Variants in IMMP2L observed in about 807,000 individuals in gnomAD.
IMMP2L encodes the protein mitochondrial inner membrane protease subunit 2.
IMMP2L carries 18 observed loss-of-function variants against 19.3 expected under a neutral mutation model. The observed-to-expected ratio is 0.93, with a 90% confidence interval of 0.64 to 1.38. The LOEUF (loss-of-function observed/expected upper bound fraction) is 1.38. Among genes scored for constraint, IMMP2L ranks in the 40% most tolerant of loss-of-function variants. The pLI is 0.00. For synonymous variants in IMMP2L, 76 were observed against 73.0 expected, an observed-to-expected ratio of 1.04 and a Z score of -0.21; for missense variants, 233 against 218.2, an observed-to-expected ratio of 1.07 and a Z score of -0.43.
rs75979006 is a variant in IMMP2L, at chr7:110,787,387, A to G, written c.408+99206T>C. On this transcript the variant is annotated intron_variant, in intron 5 of 5. Transcript: ENST00000405709. ...TCCTGAGCAACTGAACTGCTACTCA[A>G]TGTGATCAGTTGAGGGTAGAGGAGG... Among the ~76,000 whole-genome samples, 1,410 of 152,044 alleles carry G rather than the reference A, an allele frequency of 9.3e-3. 31 individuals carry two copies. The highest frequency in any genetic ancestry group is 0.032 in the African/African-American group (1,314 of 41,522).
chr7:111,312,619 A>G (rs990243502), intron 3 of IMMP2L, among the ~76,000 whole-genome samples: 5 of 152,172 alleles, frequency 3.3e-5, no homozygotes, highest in Non-Finnish European at 2.9e-5. Context: ...TATTCAATCC[A>G]TAACAGTCAA....
At chr7:110,918,460 T>TC (rs1813875796) in intron 4 of IMMP2L, among the ~76,000 whole-genome samples, 1 of 150,540 alleles carries the variant, frequency 6.6e-6, no homozygotes, top group Non-Finnish European at 1.5e-5. Flanking sequence ...TTCTTTTTTT[T>TC]TTTTTTTTTG....
rs1410685925 is a variant in IMMP2L at position 111,034,097 on chromosome 7, T to C, written c.240-70532A>G. Among the ~76,000 whole-genome samples the C allele has an allele frequency of 2.6e-5, 4 of 152,146 alleles. No homozygotes were observed. The East Asian group carries it at 5.8e-4, about 22-fold the overall frequency. On this transcript the variant is annotated intron_variant, in intron 3 of 5. Transcript: ENST00000405709. ...TTTATAATATATTGAAATGTACACA[T>C]AAAATTAATGAATTTCACTGTAGGT...
intron 3 of IMMP2L, among the ~76,000 whole-genome samples, chr7:111,236,200 T>C (rs1562955936): frequency 6.6e-6 from 1 of 152,134 alleles, no homozygotes; most frequent in Non-Finnish European, 1.5e-5. Context: ...GTTTCCTGTG[T>C]CTTTGCATTA....
intron 3 of IMMP2L, among the ~76,000 whole-genome samples, chr7:111,278,939 A>G (rs1438094368): frequency 3.3e-5 from 5 of 152,258 alleles, no homozygotes; most frequent in Non-Finnish European, 7.4e-5. Flanking sequence ...CATCAGTTCT[A>G]TGAGAATGAA....
At chr7:110,947,156 C>T (rs770202781) in intron 4 of IMMP2L, among the ~76,000 whole-genome samples, 6 of 152,028 alleles carry the variant, frequency 3.9e-5, no homozygotes, top group Non-Finnish European at 7.4e-5. Context: ...ATTTTTTTCA[C>T]CTTTCATATT....
chr7:111,560,764 G>A (rs1005061803), intron 1 of IMMP2L, among the ~76,000 whole-genome samples: 2 of 152,202 alleles, frequency 1.3e-5, no homozygotes, highest in Admixed American at 6.5e-5. Flanking sequence ...ATAAAAGTGC[G>A]TAGCACATGG....
chr7:111,343,621 A>G (rs1827246402), intron 3 of IMMP2L, among the ~76,000 whole-genome samples: 1 of 152,116 alleles, frequency 6.6e-6, no homozygotes, highest in East Asian at 1.9e-4. Context: ...TCCCTGCTCT[A>G]TATACAATGG....
chr7:111,220,146 C>CA (rs2129620370), intron 3 of IMMP2L, among the ~76,000 whole-genome samples: 1 of 152,004 alleles, frequency 6.6e-6, no homozygotes, highest in African/African-American at 2.4e-5. Context: ...AAGAACAAAC[C>CA]ACTTACCACA....
intron 3 of IMMP2L, among the ~76,000 whole-genome samples, chr7:111,258,229 T>C (rs1816938803): frequency 6.6e-6 from 1 of 152,112 alleles, no homozygotes; most frequent in Admixed American, 6.6e-5. Context: ...GATGAAGATA[T>C]TTGGAGCAAT....
Position 110,934,333 on chromosome 7 carries a change from G to A in IMMP2L, c.305+29167C>T, listed in dbSNP as rs149674799. 1.7e-3 allele frequency among the ~76,000 whole-genome samples: 263 copies of A among 152,178 alleles called. 1 individual carries two copies. The highest frequency in any genetic ancestry group is 6.1e-3 in the African/African-American group (252 of 41,504). On this transcript the variant is annotated intron_variant, in intron 4 of 5. Coordinates refer to ENST00000405709, the MANE Select transcript of IMMP2L (RefSeq NM_032549.4). ...ACATTTTGTTGATTTGGGGTGGAGAGTTCTGTAGATGTCTATAAGGTCCAC... is the reference window on the plus strand; with the variant it reads ...ACATTTTGTTGATTTGGGGTGGAGAATTCTGTAGATGTCTATAAGGTCCAC...
At chr7:111,239,015 A>T (rs1016009620) in intron 3 of IMMP2L, among the ~76,000 whole-genome samples, 3 of 151,990 alleles carry the variant, frequency 2.0e-5, no homozygotes, top group Non-Finnish European at 4.4e-5. Context: ...TTTCACCAAT[A>T]GTGAAAACCA....
chr7:111,118,223 G>T (rs1027808597), intron 3 of IMMP2L, among the ~76,000 whole-genome samples: 15 of 152,008 alleles, frequency 9.9e-5, no homozygotes, highest in Admixed American at 7.2e-4. Context: ...ATTTATTGCT[G>T]ACTTTCCAGT....
intron 2 of IMMP2L, among the ~76,000 whole-genome samples, chr7:111,500,762 C>G (rs983334926): frequency 3.9e-5 from 6 of 152,102 alleles, no homozygotes; most frequent in Admixed American, 6.6e-5. Context: ...AGCTGAGGGT[C>G]CTGTCTGTTA....
At chr7:111,178,578 C>T (rs1482639100) in intron 3 of IMMP2L, among the ~76,000 whole-genome samples, 1 of 152,104 alleles carries the variant, frequency 6.6e-6, no homozygotes, top group Non-Finnish European at 1.5e-5. Context: ...CTCTCAAACC[C>T]TGTCACTGCT....
At chr7:111,374,658 G>T (rs1830527027) in intron 3 of IMMP2L, among the ~76,000 whole-genome samples, 1 of 152,102 alleles carries the variant, frequency 6.6e-6, no homozygotes, top group Non-Finnish European at 1.5e-5. Flanking sequence ...GTCAGACCCT[G>T]AGAGTCAAAC....
At chr7:111,439,209 C>T (rs1274203097) in intron 3 of IMMP2L, among the ~76,000 whole-genome samples, 1 of 151,846 alleles carries the variant, frequency 6.6e-6, no homozygotes, top group Non-Finnish European at 1.5e-5. Context: ...CGGCTAATCC[C>T]TTCATCTCTG....
At chr7:111,132,340 A>G (rs1274789436) in intron 3 of IMMP2L, among the ~76,000 whole-genome samples, 1 of 151,958 alleles carries the variant, frequency 6.6e-6, no homozygotes, top group Non-Finnish European at 1.5e-5. Flanking sequence ...TCAGTCCATT[A>G]CAGGAAAATA....
At chr7:111,017,302 G>C (rs1258110795) in intron 3 of IMMP2L, among the ~76,000 whole-genome samples, 7 of 151,844 alleles carry the variant, frequency 4.6e-5, no homozygotes, top group Non-Finnish European at 1.0e-4. Context: ...AGGCTCAAGT[G>C]ATCCTCTTGC....
Sources: gnomAD v4.1 joint callset for allele counts (sites outside exome capture counted in the v4.1 genomes callset) on GRCh38, gnomAD v4.1.1 for gene constraint, MANE v1.5 for transcripts, NCBI Gene and HGNC (gene_info 2026-07-23, HGNC 2026-07-21) for gene names.